The following GRID2 variants were observed in gnomAD, a reference collection of about 807,000 sequenced individuals.
GRID2 encodes glutamate ionotropic receptor delta type subunit 2, also known as glutamate receptor ionotropic, delta-2.
In GRID2, 33 loss-of-function variants were observed where a neutral mutation model predicts 114.8. The observed-to-expected ratio is 0.29, with a 90% CI of 0.22 to 0.38. GRID2 has a LOEUF of 0.38. GRID2 is among the 10% of genes least tolerant of loss of function. The pLI, the probability that GRID2 is intolerant of heterozygous loss-of-function variation, is 1.00. For synonymous variants in GRID2, 505 were observed against 449.9 expected (o/e 1.12, Z -1.55); for missense variants, 1,184 against 1,257.7 (o/e 0.94, Z 0.89).
intron 14 of GRID2, among the ~76,000 whole-genome samples, chr4:93,683,119 A>G (rs1725744686): frequency 1.3e-5 from 2 of 151,928 alleles, no homozygotes; most frequent in Middle Eastern, 3.4e-3. Flanking sequence ...TTTGGGGGGA[A>G]AAAAAGCTCT....
intron 11 of GRID2, among the ~76,000 whole-genome samples, chr4:93,465,227 G>A (rs553634271): frequency 1.3e-5 from 2 of 152,200 alleles, no homozygotes; most frequent in Non-Finnish European, 2.9e-5. Context: ...ACTAAGTTGT[G>A]ATACTGAAAG....
chr4:93,140,374 G>A (rs1352457800), intron 4 of GRID2, among the ~76,000 whole-genome samples: 2 of 151,946 alleles, frequency 1.3e-5, no homozygotes, highest in Admixed American at 6.6e-5. Flanking sequence ...TAGCCCGGAT[G>A]GTCTCTTTCT....
chr4:93,480,749 C>G (rs1725774888), intron 11 of GRID2, among the ~76,000 whole-genome samples: 1 of 152,012 alleles, frequency 6.6e-6, no homozygotes, highest in African/African-American at 2.4e-5. Context: ...TCTGAGACTT[C>G]AGAGGAGAAG....
At chr4:93,431,559 A>G (rs1769411617) in intron 10 of GRID2, among the ~76,000 whole-genome samples, 1 of 152,212 alleles carries the variant, frequency 6.6e-6, no homozygotes, top group South Asian at 2.1e-4. Flanking sequence ...TACCCAAGCC[A>G]GAACTCTTTT....
At chr4:92,764,160 G>A (rs772520603) in intron 2 of GRID2, among the ~76,000 whole-genome samples, 19 of 152,146 alleles carry the variant, frequency 1.2e-4, no homozygotes, top group African/African-American at 3.6e-4. Flanking sequence ...ATGTATGACC[G>A]TTCAGCAGCA....
chr4:93,373,951 A>G (rs995133405), intron 8 of GRID2, among the ~76,000 whole-genome samples: 2 of 152,192 alleles, frequency 1.3e-5, no homozygotes, highest in Non-Finnish European at 2.9e-5. Context: ...TCTACACTAC[A>G]GAAGGCTTAT....
At chr4:93,083,498 C>T (rs1730057798) in intron 2 of GRID2, among the ~76,000 whole-genome samples, 1 of 151,828 alleles carries the variant, frequency 6.6e-6, no homozygotes. Flanking sequence ...TCCAGACCAG[C>T]CTGACCAACA....
chr4:92,464,039 A>G (rs1378436755), intron 1 of GRID2, among the ~76,000 whole-genome samples: 1 of 151,838 alleles, frequency 6.6e-6, no homozygotes, highest in South Asian at 2.1e-4. Context: ...CAGAGACTCA[A>G]TCCTACCCTA....
chr4:93,482,522 C>T (rs921017087), intron 11 of GRID2, among the ~76,000 whole-genome samples: 4 of 151,670 alleles, frequency 2.6e-5, no homozygotes, highest in African/African-American at 4.8e-5. Context: ...CATCACACAG[C>T]GGGGCGTGTC....
At chr4:93,258,646 T>C (rs187192652) in intron 8 of GRID2, among the ~76,000 whole-genome samples, 41 of 151,928 alleles carry the variant, frequency 2.7e-4, no homozygotes, top group African/African-American at 9.9e-4. Context: ...GGATGGTGCT[T>C]ATCTTGACCC....
At chr4:93,788,972 AC>A (rs772840609) in intron 1 of GRID2, among the ~76,000 whole-genome samples, 10 of 152,216 alleles carry the variant, frequency 6.6e-5, no homozygotes, top group Non-Finnish European at 1.5e-4. Context: ...ACACAATGGA[AC>A]AACAAATCAT....
intron 2 of GRID2, among the ~76,000 whole-genome samples, chr4:92,776,859 G>A (rs1399861633): frequency 6.6e-6 from 1 of 151,944 alleles, no homozygotes; most frequent in African/African-American, 2.4e-5. Context: ...GTATGCCCCT[G>A]ATAAGAACTA....
chr4:92,730,574 G>A (rs1736283395), intron 2 of GRID2, among the ~76,000 whole-genome samples: 1 of 151,862 alleles, frequency 6.6e-6, no homozygotes, highest in Non-Finnish European at 1.5e-5. Flanking sequence ...TATATTTAAA[G>A]CCATTTTTAC....
At chr4:93,521,896 A>G (rs541656054) in intron 13 of GRID2, among the ~76,000 whole-genome samples, 1 of 152,170 alleles carries the variant, frequency 6.6e-6, no homozygotes, top group African/African-American at 2.4e-5. Context: ...TTTTTAAAGA[A>G]ATTTTGCTGA....
chr4:93,458,054 A>G (rs181949142), intron 11 of GRID2, among the ~76,000 whole-genome samples: 2 of 152,238 alleles, frequency 1.3e-5, no homozygotes, highest in Non-Finnish European at 2.9e-5. Flanking sequence ...CTTAATTGCA[A>G]ACTCCTGATT....
intron 2 of GRID2, among the ~76,000 whole-genome samples, chr4:92,921,324 C>G (rs761078598): frequency 6.6e-6 from 1 of 151,970 alleles, no homozygotes; most frequent in Non-Finnish European, 1.5e-5. Context: ...GTAGTTTGAT[C>G]GTCTGAAGCT....
chr4:93,592,994 G>A (rs1332444090), intron 13 of GRID2, among the ~76,000 whole-genome samples: 2 of 151,386 alleles, frequency 1.3e-5, no homozygotes, highest in African/African-American at 4.9e-5. Context: ...ACACTGATGG[G>A]TCTTGACTCT....
intron 14 of GRID2, among the ~76,000 whole-genome samples, chr4:93,695,043 C>A (rs1471127190): frequency 6.6e-6 from 1 of 151,874 alleles, no homozygotes; most frequent in African/African-American, 2.4e-5. Flanking sequence ...TGGTGGCGGG[C>A]GCCATTAGTC....
chr4:92,474,015 A>G (rs1722173847), intron 1 of GRID2, among the ~76,000 whole-genome samples: 1 of 147,424 alleles, frequency 6.8e-6, no homozygotes, highest in Non-Finnish European at 1.5e-5. Context: ...TACGTATGCG[A>G]TGACAACAAC....
Sources: allele counts gnomAD v4.1 joint callset (sites outside exome capture counted in the v4.1 genomes callset), GRCh38; gene constraint gnomAD v4.1.1; transcripts MANE v1.5; gene names NCBI Gene and HGNC (gene_info 2026-07-23, HGNC 2026-07-21).